The following PTPRM variants were observed in gnomAD, a reference collection of about 807,000 sequenced individuals.
PTPRM encodes the protein receptor-type tyrosine-protein phosphatase mu.
In PTPRM, 47 loss-of-function variants were observed where a neutral mutation model predicts 186.7. That is an observed-to-expected ratio of 0.25 (90% CI 0.20 to 0.32). PTPRM has a LOEUF of 0.32. Among genes scored for constraint, PTPRM ranks in the 10% least tolerant of loss-of-function variants. PTPRM has a pLI of 1.00. For synonymous variants in PTPRM, 668 were observed against 674.9 expected (o/e 0.99, Z 0.16); for missense variants, 1,494 against 1,865.0 (o/e 0.80, Z 3.66).
At chr18:7,713,682 C>A (rs2040259485) in intron 1 of PTPRM, among the ~76,000 whole-genome samples, 3 of 134,246 alleles carry the variant, frequency 2.2e-5, no homozygotes, top group South Asian at 2.6e-4. Flanking sequence ...GAATATTTTC[C>A]AAGCAAATGG....
chr18:8,176,437 T>C (rs1482670861), intron 14 of PTPRM, among the ~76,000 whole-genome samples: 1 of 152,212 alleles, frequency 6.6e-6, no homozygotes, highest in African/African-American at 2.4e-5. Flanking sequence ...ATTCATCAAA[T>C]ATAAACACAG....
intron 9 of PTPRM, among the ~76,000 whole-genome samples, chr18:8,079,562 G>C (rs1399843991): frequency 6.6e-6 from 1 of 152,070 alleles, no homozygotes; most frequent in African/African-American, 2.4e-5. Flanking sequence ...AATGGATGCA[G>C]TTTAATAAAT....
At chr18:8,092,631 C>G (rs1158891486) in intron 11 of PTPRM, among the ~76,000 whole-genome samples, 1 of 152,026 alleles carries the variant, frequency 6.6e-6, no homozygotes, top group Non-Finnish European at 1.5e-5. Context: ...AAAAGCACAG[C>G]AGTGTTCAAT....
intron 1 of PTPRM, among the ~76,000 whole-genome samples, chr18:7,658,359 T>TATATATATACAC (rs1491198247): frequency 7.3e-6 from 1 of 136,666 alleles, no homozygotes; most frequent in African/African-American, 2.9e-5. Flanking sequence ...TATATATATA[T>TATATATATACAC]ACATACACAC....
chr18:7,994,339 C>T (rs1029115261), intron 7 of PTPRM, among the ~76,000 whole-genome samples: 5 of 151,666 alleles, frequency 3.3e-5, no homozygotes, highest in South Asian at 2.1e-4. Flanking sequence ...ATATCATTAG[C>T]GCTAATGGAA....
intron 2 of PTPRM, among the ~76,000 whole-genome samples, chr18:7,874,963 C>T (rs1300839964): frequency 3.3e-5 from 5 of 152,218 alleles, no homozygotes; most frequent in African/African-American, 1.2e-4. Context: ...GAGTCCGCGG[C>T]GGGCGGATCA....
At chr18:7,818,042 A>G (rs952077099) in intron 2 of PTPRM, among the ~76,000 whole-genome samples, 1 of 152,178 alleles carries the variant, frequency 6.6e-6, no homozygotes, top group African/African-American at 2.4e-5. Flanking sequence ...GGATTTTGCA[A>G]GTTATTCACT....
chr18:7,952,165 A>G (rs1286124952), intron 6 of PTPRM, among the ~76,000 whole-genome samples: 1 of 152,258 alleles, frequency 6.6e-6, no homozygotes, highest in South Asian at 2.1e-4. Context: ...TAAATATGAT[A>G]CTGACATATT....
At chr18:8,264,034 G>T (rs1340103884) in intron 19 of PTPRM, among the ~76,000 whole-genome samples, 3 of 152,172 alleles carry the variant, frequency 2.0e-5, no homozygotes, top group African/African-American at 7.2e-5. Context: ...TTGCCATCTT[G>T]TGGGACTGAG....
At chr18:7,577,132 C>G (rs1484023090) in intron 1 of PTPRM, among the ~76,000 whole-genome samples, 11 of 151,884 alleles carry the variant, frequency 7.2e-5, no homozygotes, top group Admixed American at 3.9e-4. Context: ...CTCCAATAAC[C>G]TTAACAATAG....
intron 19 of PTPRM, among the ~76,000 whole-genome samples, chr18:8,296,114 C>G (rs1290165291): frequency 1.3e-5 from 2 of 152,148 alleles, no homozygotes; most frequent in Admixed American, 1.3e-4. Context: ...CTCGGTTATA[C>G]AGAGAAATTG....
rs1279368856 is a variant in PTPRM at position 8,200,828 on chromosome 18, AG to A, written c.2301-43229del. Among the ~76,000 whole-genome samples the A allele has an allele frequency of 2.0e-5, 3 of 152,238 alleles. No homozygotes were observed. The East Asian group carries it at 5.8e-4, about 29-fold the overall frequency. ...ATGTGTGAGAAAGTAAAAAACACGA[AG>A]CCTTTTTACTCCTAAATACCTGGGA... On this transcript the variant is annotated intron_variant, in intron 14 of 32. Coordinates refer to ENST00000580170, the MANE Select transcript of PTPRM (RefSeq NM_001105244.2).
chr18:8,239,484 G>A (rs1156492508), intron 14 of PTPRM, among the ~76,000 whole-genome samples: 3 of 151,496 alleles, frequency 2.0e-5, no homozygotes, highest in South Asian at 2.1e-4. Context: ...AAAACTGTGT[G>A]AGCCCCCTTA....
chr18:7,859,885 C>G (rs1298100260), intron 2 of PTPRM, among the ~76,000 whole-genome samples: 3 of 152,116 alleles, frequency 2.0e-5, no homozygotes, highest in Admixed American at 1.3e-4. Flanking sequence ...AAAGCCCTGC[C>G]TCCCTCACAA....
rs376912651 is a variant in PTPRM at position 8,383,868 on chromosome 18, G to A, written c.3919-693G>A. On this transcript the variant is annotated intron_variant, in intron 29 of 32. Coordinates refer to ENST00000580170, the MANE Select transcript of PTPRM (RefSeq NM_001105244.2). Reference sequence around the variant, plus strand: ...AGATCTGGGCATTAAGAGTTGTATAGCCATCTTGAGTACCTTACATCCTGG... The same window carrying A: ...AGATCTGGGCATTAAGAGTTGTATAACCATCTTGAGTACCTTACATCCTGG... 7.3e-5 allele frequency among the ~76,000 whole-genome samples: 11 copies of A among 151,714 alleles called. No individual in the cohort carries two copies. In the East Asian group the frequency reaches 7.8e-4, roughly 11 times the overall value.
intron 2 of PTPRM, among the ~76,000 whole-genome samples, chr18:7,837,025 T>C (rs1193698615): frequency 6.6e-6 from 1 of 152,190 alleles, no homozygotes; most frequent in African/African-American, 2.4e-5. Flanking sequence ...AGTGATATCT[T>C]TCTCTAAGTT....
At chr18:7,691,629 A>G (rs1376160196) in intron 1 of PTPRM, among the ~76,000 whole-genome samples, 3 of 152,184 alleles carry the variant, frequency 2.0e-5, no homozygotes, top group Non-Finnish European at 4.4e-5. Context: ...GCGTGAGGCT[A>G]GGCACCATAG....
intron 2 of PTPRM, among the ~76,000 whole-genome samples, chr18:7,868,771 G>A (rs931622956): frequency 2.0e-5 from 3 of 152,226 alleles, no homozygotes; most frequent in African/African-American, 4.8e-5. Context: ...AGGCAGAAAC[G>A]TTTAAGTCTG....
chr18:8,109,510 G>T (rs2091667251), intron 11 of PTPRM, among the ~76,000 whole-genome samples: 1 of 152,190 alleles, frequency 6.6e-6, no homozygotes, highest in Non-Finnish European at 1.5e-5. Context: ...CTGGAGTAGA[G>T]TGTATAATAG....
Sources: gnomAD v4.1 joint callset for allele counts (sites outside exome capture counted in the v4.1 genomes callset) on GRCh38, gnomAD v4.1.1 for gene constraint, MANE v1.5 for transcripts, NCBI Gene and HGNC (gene_info 2026-07-23, HGNC 2026-07-21) for gene names.